The following TLN2 variants were observed in gnomAD, a reference collection of about 807,000 sequenced individuals.
The protein encoded by TLN2 is talin-2.
TLN2 carries 118 observed loss-of-function variants against 294.7 expected under a neutral mutation model. That is an observed-to-expected ratio of 0.40 (90% CI 0.34 to 0.47). The LOEUF (loss-of-function observed/expected upper bound fraction) is 0.47. TLN2 is among the 20% of genes least tolerant of loss of function. The pLI, the probability that TLN2 is intolerant of heterozygous loss-of-function variation, is 0.84. For synonymous variants in TLN2, 1,431 were observed against 1,304.5 expected, an observed-to-expected ratio of 1.10 and a Z score of -2.09; for missense variants, 3,083 against 3,282.2, an observed-to-expected ratio of 0.94 and a Z score of 1.48.
intron 1 of TLN2, among the ~76,000 whole-genome samples, chr15:62,577,009 G>T (rs902802851): frequency 1.3e-5 from 2 of 152,146 alleles, no homozygotes; most frequent in African/African-American, 4.8e-5. Context: ...ATCAACTAAG[G>T]CCTGCTGTGT....
rs757302612 is a variant in TLN2 at position 62,702,812 on chromosome 15, G to T, written c.1952G>T (p.Ser651Ile). 2 of 1,614,232 alleles carry T rather than the reference G, an allele frequency of 1.2e-6. No homozygotes were observed. The highest frequency in any genetic ancestry group is 2.2e-5 in the South Asian group (2 of 91,088). The stretch of plus-strand genomic sequence containing the variant: ...GCTGCTGGCAGCATCGGACAAGCCA[G>T]TGGGGATCTTCTGAGACAGATTGGA... ...LTAAGSIGQA[S>I]GDLLRQIGEN... Residue 651 changes from serine to isoleucine, a missense_variant, in exon 19 of 59, where the codon AGT becomes ATT. By Grantham distance (142) the Ser-to-Ile change is moderately radical. Transcript: ENST00000636159.
intron 32 of TLN2, among the ~76,000 whole-genome samples, chr15:62,745,802 A>G (rs138824839): frequency 7.7e-4 from 117 of 152,348 alleles, no homozygotes; most frequent in African/African-American, 2.8e-3. Context: ...TCAAATTTAC[A>G]TAACCGTTTG....
intron 1 of TLN2, among the ~76,000 whole-genome samples, chr15:62,436,873 T>G (rs954567685): frequency 2.0e-5 from 3 of 152,216 alleles, no homozygotes; most frequent in Non-Finnish European, 4.4e-5. Context: ...CAAGCATGCA[T>G]GCACCATCGT....
chr15:62,489,264 A>G (rs2038577293), intron 1 of TLN2, among the ~76,000 whole-genome samples: 2 of 152,202 alleles, frequency 1.3e-5, no homozygotes, highest in South Asian at 4.1e-4. Flanking sequence ...CTTTTTCTAA[A>G]ACAGTCCTTT....
intron 46 of TLN2, among the ~76,000 whole-genome samples, chr15:62,794,692 C>A (rs2065336938): frequency 6.6e-6 from 1 of 152,162 alleles, no homozygotes; most frequent in Non-Finnish European, 1.5e-5. Flanking sequence ...GGAAGAGAAA[C>A]AATTCCTTGT....
At chr15:62,753,481 G>A (rs1456045836) in intron 35 of TLN2, among the ~76,000 whole-genome samples, 1 of 152,170 alleles carries the variant, frequency 6.6e-6, no homozygotes, top group Non-Finnish European at 1.5e-5. Context: ...GAGTAGTCAG[G>A]GCTGCATCCA....
At chr15:62,668,650 T>C (rs1445431369) in intron 9 of TLN2, among the ~76,000 whole-genome samples, 1 of 152,210 alleles carries the variant, frequency 6.6e-6, no homozygotes, top group African/African-American at 2.4e-5. Flanking sequence ...TGCCCACGGA[T>C]GAGACGGCGT....
chr15:62,819,415 A>T lies in TLN2; in HGVS notation c.6772-101A>T. 6.2e-6 allele frequency: 6 copies of T among 974,306 alleles called. No homozygotes were observed. The South Asian group carries it at 8.6e-5, about 14-fold the overall frequency. The allele number at this position is 974,306 out of a possible 1,614,324, so 60.4% of individuals were successfully genotyped here. A position where few individuals can be genotyped will look rare whatever the true frequency, so the allele number is the denominator to read the frequency against. ...ACTTGGGACAGAGATGCAACTTAAA[A>T]CCAGGCTGCCTGACTCCACATCCAG... is the stretch of plus-strand genomic sequence containing the variant. On this transcript the variant is annotated intron_variant, in intron 52 of 58. Coordinates refer to ENST00000636159, the MANE Select transcript of TLN2 (RefSeq NM_015059.3).
chr15:62,495,104 T>C (rs1018490463), intron 1 of TLN2, among the ~76,000 whole-genome samples: 3 of 152,220 alleles, frequency 2.0e-5, no homozygotes, highest in African/African-American at 7.2e-5. Context: ...GCACTTGCAA[T>C]TGCACTGTGC....
chr15:62,717,099 G>A (rs1235735802), intron 23 of TLN2, among the ~76,000 whole-genome samples: 1 of 152,092 alleles, frequency 6.6e-6, no homozygotes, highest in East Asian at 1.9e-4. Context: ...GTTGTTCTTG[G>A]ACAAAGACAA....
At chr15:62,519,981 C>T (rs577602344) in intron 1 of TLN2, among the ~76,000 whole-genome samples, 22 of 152,142 alleles carry the variant, frequency 1.4e-4, no homozygotes, top group Non-Finnish European at 2.8e-4. Flanking sequence ...TGGTGGAAGG[C>T]GAAAGGCACG....
chr15:62,786,267 TAAG>T (rs2064649014), intron 45 of TLN2, among the ~76,000 whole-genome samples: 1 of 152,182 alleles, frequency 6.6e-6, no homozygotes, highest in Non-Finnish European at 1.5e-5. Flanking sequence ...CCAGGGGAAA[TAAG>T]GAGCTGCTCC....
Position 62,652,016 on chromosome 15 carries a change from A to C in TLN2, c.246A>C (p.Glu82Asp), listed in dbSNP as rs2052649417. 6.2e-7 allele frequency: 1 copy of C among 1,609,898 alleles called. No individual in the cohort carries two copies. The highest frequency in any genetic ancestry group is 8.5e-7 in the Non-Finnish European group (1 of 1,177,550). ...YYMLRNGDIL[E>D]YKKKQRPQKI... The stretch of plus-strand genomic sequence containing the variant: ...GGTTTGTGCTCTAGGATATTTTGGA[A>C]TATAAAAAGAAACAGAGACCTCAGA... Residue 82 changes from glutamate to aspartate, a missense_variant, in exon 6 of 59, where the codon GAA becomes GAC. Glu to Asp is a conservative substitution (Grantham distance 45). Transcript: ENST00000636159.
At chr15:62,408,227 C>G (rs944503367) in intron 1 of TLN2, among the ~76,000 whole-genome samples, 1 of 151,826 alleles carries the variant, frequency 6.6e-6, no homozygotes, top group Non-Finnish European at 1.5e-5. Context: ...TGTGCCTTAT[C>G]AAAACAAGGC....
intron 1 of TLN2, among the ~76,000 whole-genome samples, chr15:62,498,558 A>G (rs904763810): frequency 1.3e-5 from 2 of 152,198 alleles, no homozygotes; most frequent in African/African-American, 4.8e-5. Context: ...TCATTTGCCA[A>G]GGGATATTTT....
intron 26 of TLN2, 87 bp downstream of exon 26, chr15:62,722,574 C>A: frequency 1.4e-6 from 2 of 1,418,420 alleles, no homozygotes; most frequent in Non-Finnish European, 1.9e-6. Context: ...CACTGCTGAA[C>A]CTATTTCTTG....
At chr15:62,633,372 C>G (rs2050093079) in intron 3 of TLN2, among the ~76,000 whole-genome samples, 1 of 152,238 alleles carries the variant, frequency 6.6e-6, no homozygotes, top group Non-Finnish European at 1.5e-5. Flanking sequence ...TCATAGCTCA[C>G]TACAGCCTTG....
intron 19 of TLN2, among the ~76,000 whole-genome samples, chr15:62,706,775 C>T (rs556507247): frequency 1.3e-5 from 2 of 152,270 alleles, no homozygotes; most frequent in African/African-American, 2.4e-5. Flanking sequence ...ATTCAAGAGA[C>T]GTGGTCAAGA....
At chr15:62,778,221 C>T (rs542390733) in intron 43 of TLN2, among the ~76,000 whole-genome samples, 14 of 152,232 alleles carry the variant, frequency 9.2e-5, no homozygotes, top group African/African-American at 2.4e-4. Flanking sequence ...CTTTAGAGGC[C>T]GCAGGCTCTA....
Sources: gnomAD v4.1 joint callset for allele counts (sites outside exome capture counted in the v4.1 genomes callset) on GRCh38, gnomAD v4.1.1 for gene constraint, MANE v1.5 for transcripts, NCBI Gene and HGNC (gene_info 2026-07-23, HGNC 2026-07-21) for gene names.